MITF: variants seen among roughly 807,000 people sequenced by gnomAD.
MITF encodes microphthalmia-associated transcription factor.
Under a neutral mutation model 60.5 loss-of-function variants are expected in MITF, and 17 were observed. That is an observed-to-expected ratio of 0.28 (90% CI 0.19 to 0.42). MITF has a LOEUF of 0.42. MITF is among the 10% of genes least tolerant of loss of function. The pLI is 1.00. For synonymous variants in MITF, 260 were observed against 248.5 expected (o/e 1.05, Z -0.43); for missense variants, 622 against 683.5 (o/e 0.91, Z 1.00).
chr3:69,892,550 T>C (rs568618730), intron 2 of MITF, among the ~76,000 whole-genome samples: 1 of 152,350 alleles, frequency 6.6e-6, no homozygotes, highest in East Asian at 1.9e-4. Context: ...TCATAGACAG[T>C]ATTTTTACTG....
At chr3:69,811,176 TG>T (rs1464370394) in intron 1 of MITF, among the ~76,000 whole-genome samples, 1 of 152,182 alleles carries the variant, frequency 6.6e-6, no homozygotes, top group Non-Finnish European at 1.5e-5. Context: ...CACTGGTATT[TG>T]TTTTAAAAGC....
intron 1 of MITF, among the ~76,000 whole-genome samples, chr3:69,767,743 G>A (rs1469785221): frequency 2.6e-5 from 4 of 152,166 alleles, no homozygotes; most frequent in Non-Finnish European, 5.9e-5. Flanking sequence ...CAGGGAGTGC[G>A]GCCAGCTTCA....
At chr3:69,960,938 T>C (rs9866423) in intron 9 of MITF, among the ~76,000 whole-genome samples, 8,374 of 152,266 alleles carry the variant, frequency 0.055, 537 homozygotes, top group African/African-American at 0.15. Flanking sequence ...GCATTTTAGA[T>C]TCTGGGTAGT....
At chr3:69,886,497 T>G (rs1575884548) in intron 2 of MITF, among the ~76,000 whole-genome samples, 1 of 152,090 alleles carries the variant, frequency 6.6e-6, no homozygotes, top group Non-Finnish European at 1.5e-5. Flanking sequence ...CTTATTTGCT[T>G]ATAAGCACAC....
intron 5 of MITF, among the ~76,000 whole-genome samples, chr3:69,945,237 A>G (rs1006148477): frequency 6.6e-6 from 1 of 152,234 alleles, no homozygotes; most frequent in Non-Finnish European, 1.5e-5. Flanking sequence ...GTGGAGCACA[A>G]CATTGAAGAA....
At chr3:69,875,073 C>T (rs979574409) in intron 1 of MITF, among the ~76,000 whole-genome samples, 1 of 152,142 alleles carries the variant, frequency 6.6e-6, no homozygotes, top group East Asian at 1.9e-4. Flanking sequence ...CCAATCCCTG[C>T]AGCACATTAA....
intron 1 of MITF, among the ~76,000 whole-genome samples, chr3:69,824,099 A>G (rs1287947889): frequency 6.6e-6 from 1 of 152,230 alleles, no homozygotes; most frequent in Non-Finnish European, 1.5e-5. Context: ...GAAGACTGAT[A>G]TTGTCAATGG....
chr3:69,740,613 G>A (rs539414867), intron 1 of MITF, among the ~76,000 whole-genome samples: 3 of 152,256 alleles, frequency 2.0e-5, no homozygotes, highest in Admixed American at 1.3e-4. Flanking sequence ...CGTTCTCTCT[G>A]TCCGGCAGCC....
At chr3:69,785,780 C>T (rs2062638968) in intron 1 of MITF, among the ~76,000 whole-genome samples, 1 of 152,010 alleles carries the variant, frequency 6.6e-6, no homozygotes, top group Non-Finnish European at 1.5e-5. Context: ...GAGACCATGT[C>T]CATCTACTGA....
At chr3:69,836,219 A>AT (rs1188260190) in intron 1 of MITF, among the ~76,000 whole-genome samples, 1 of 151,892 alleles carries the variant, frequency 6.6e-6, no homozygotes, top group African/African-American at 2.4e-5. Flanking sequence ...TATATAGCTT[A>AT]TTTTTTGGTA....
chr3:69,904,643 T>C (rs1268618437), intron 2 of MITF, among the ~76,000 whole-genome samples: 1 of 152,200 alleles, frequency 6.6e-6, no homozygotes, highest in African/African-American at 2.4e-5. Flanking sequence ...ATGTATCCTT[T>C]GTATTCCCAT....
chr3:69,817,224 A>G (rs1007007076), intron 1 of MITF, among the ~76,000 whole-genome samples: 2 of 152,022 alleles, frequency 1.3e-5, no homozygotes, highest in African/African-American at 4.8e-5. Flanking sequence ...TTTTTATTCT[A>G]TTTGATATTT....
chr3:69,839,911 G>A (rs1197061238), intron 1 of MITF, among the ~76,000 whole-genome samples: 2 of 140,764 alleles, frequency 1.4e-5, no homozygotes, highest in Non-Finnish European at 3.1e-5. Context: ...TCCTCCCCAA[G>A]TCTGAAACCC....
chr3:69,902,530 T>C (rs889777812), intron 2 of MITF, among the ~76,000 whole-genome samples: 1 of 152,220 alleles, frequency 6.6e-6, no homozygotes, highest in African/African-American at 2.4e-5. Flanking sequence ...TGGGTTTGCA[T>C]GGATAATTTA....
At chr3:69,951,000 G>T (rs1319548003) in intron 6 of MITF, among the ~76,000 whole-genome samples, 2 of 150,998 alleles carry the variant, frequency 1.3e-5, no homozygotes, top group Non-Finnish European at 2.9e-5. Flanking sequence ...ATTACAGCAG[G>T]TTTTAACAGA....
intron 1 of MITF, among the ~76,000 whole-genome samples, chr3:69,749,244 C>T (rs1000727127): frequency 3.3e-5 from 5 of 152,202 alleles, no homozygotes; most frequent in African/African-American, 9.7e-5. Flanking sequence ...AAACTGAGTT[C>T]ATGAACCAAC....
intron 2 of MITF, among the ~76,000 whole-genome samples, chr3:69,898,030 C>T (rs1439985072): frequency 6.6e-6 from 1 of 152,042 alleles, no homozygotes. Flanking sequence ...TTTCATGTGC[C>T]CTTGTGGAAC....
At chr3:69,791,436 A>T (rs1324682259) in intron 1 of MITF, among the ~76,000 whole-genome samples, 7 of 152,210 alleles carry the variant, frequency 4.6e-5, no homozygotes, top group Admixed American at 3.3e-4. Flanking sequence ...CTAGTACTGG[A>T]TTAATAGTAT....
At chr3:69,846,135 CTT>C (rs3044615) in intron 1 of MITF, among the ~76,000 whole-genome samples, 73,884 of 147,022 alleles carry the variant, frequency 0.5, 19,855 homozygotes, top group Non-Finnish European at 0.63. Context: ...CTGCCTAGGG[CTT>C]TTTTTTTTTT....
Sources: gnomAD v4.1 joint callset for allele counts (sites outside exome capture counted in the v4.1 genomes callset) on GRCh38, gnomAD v4.1.1 for gene constraint, MANE v1.5 for transcripts, NCBI Gene and HGNC (gene_info 2026-07-23, HGNC 2026-07-21) for gene names.